Variants in YPEL2 observed in about 807,000 individuals in gnomAD.
YPEL2 encodes protein yippee-like 2.
Under a neutral mutation model 19.1 loss-of-function variants are expected in YPEL2, and 2 were observed. The ratio of observed to expected loss-of-function variants is 0.10; its 90% CI spans 0.04 to 0.33. The LOEUF is 0.33. Ranked by LOEUF, YPEL2 falls within the 10% of genes least tolerant of loss-of-function variation. The probability of loss-of-function intolerance (pLI) is 1.00; values close to 1 mark genes in which losing one functional copy is unlikely to be tolerated. For missense variants in YPEL2, 66 were observed against 140.7 expected (o/e 0.47, Z 2.68); for synonymous variants, 52 against 50.0 (o/e 1.04, Z -0.17).
chr17:59,380,278 T>G (rs994663890), intron 2 of YPEL2, among the ~76,000 whole-genome samples: 1 of 145,626 alleles, frequency 6.9e-6, no homozygotes, highest in Non-Finnish European at 1.5e-5. Flanking sequence ...ACTTCTTTTT[T>G]TTTTTTTTTT....
intron 2 of YPEL2, among the ~76,000 whole-genome samples, chr17:59,368,245 G>A (rs2047880389): frequency 6.6e-6 from 1 of 152,028 alleles, no homozygotes; most frequent in African/African-American, 2.4e-5. Flanking sequence ...CACCATGTCC[G>A]GCTAATTTTT....
At chr17:59,369,064 G>A (rs1364710642) in intron 2 of YPEL2, among the ~76,000 whole-genome samples, 1 of 151,068 alleles carries the variant, frequency 6.6e-6, no homozygotes, top group African/African-American at 2.4e-5. Flanking sequence ...AGGTCTGGGG[G>A]TTTGCAGGTC....
In YPEL2 at chr17:59,378,865, G is replaced by A. The variant is rs2047935249; in HGVS notation, c.118-9462G>A. Among the ~76,000 whole-genome samples the A allele has an allele frequency of 2.0e-5, 3 of 152,264 alleles. No individual in the cohort carries two copies. In the South Asian group the frequency reaches 6.2e-4, roughly 32 times the overall value. ...ATAGCTCAAATCCACGGGAGGAGGG[G>A]CCTTAAGAAAGCCATCCTTCTGCCC... On this transcript the variant is annotated intron_variant, in intron 2 of 4. Transcript: ENST00000312655.
chr17:59,344,708 A>C (rs957710536), intron 1 of YPEL2, among the ~76,000 whole-genome samples: 2 of 152,196 alleles, frequency 1.3e-5, no homozygotes, highest in African/African-American at 4.8e-5. Flanking sequence ...CAGTGAGCCA[A>C]AATCACGCCA....
At chr17:59,371,662 A>G (rs997838862) in intron 2 of YPEL2, among the ~76,000 whole-genome samples, 4 of 152,212 alleles carry the variant, frequency 2.6e-5, no homozygotes, top group Admixed American at 2.6e-4. Context: ...GCCGCGAGAC[A>G]GGAGGGAGAA....
At position 59,389,340 on chromosome 17, in the gene YPEL2, C is replaced by T. The variant is rs1463990936; in HGVS notation, c.162-20C>T. 6.2e-7 allele frequency: 1 copy of T among 1,606,254 alleles called. No individual in the cohort carries two copies. On this transcript the variant is annotated intron_variant, in intron 3 of 4. Coordinates refer to ENST00000312655, the MANE Select transcript of YPEL2 (RefSeq NM_001005404.4). ...GCGTGTCACTAACTACCCACTCTCTCTTCTTGTGCCTCGACATAGAGTTAA... is the reference window on the plus strand; with the variant it reads ...GCGTGTCACTAACTACCCACTCTCTTTTCTTGTGCCTCGACATAGAGTTAA...
rs530153586 is a variant in YPEL2, at chr17:59,352,728, T to TG, written c.-195-486dup. ...GCTGGGGTGTGGGGTTTGCTGCCTC[T>TG]GCAGGTGATGGCTTCAAGCGTTGGA... On this transcript the variant is annotated intron_variant, in intron 1 of 4. Coordinates refer to ENST00000312655, the MANE Select transcript of YPEL2 (RefSeq NM_001005404.4). Among the ~76,000 whole-genome samples, 227 of 152,344 alleles carry TG rather than the reference T, an allele frequency of 1.5e-3. 1 individual carries two copies. The highest frequency in any genetic ancestry group is 5.3e-3 in the African/African-American group (219 of 41,578).
At chr17:59,394,870 C>G (rs1018550486) in intron 4 of YPEL2, among the ~76,000 whole-genome samples, 2 of 152,236 alleles carry the variant, frequency 1.3e-5, no homozygotes, top group Non-Finnish European at 2.9e-5. Flanking sequence ...GCGGATCACT[C>G]GCGGTTAGGA....
intron 2 of YPEL2, among the ~76,000 whole-genome samples, chr17:59,377,828 C>T (rs969037206): frequency 1.3e-5 from 2 of 152,190 alleles, no homozygotes; most frequent in African/African-American, 4.8e-5. Flanking sequence ...CTGGCCCTTC[C>T]AGACTAGTTT....
chr17:59,397,146 A>C lies in YPEL2; in HGVS notation c.316A>C (p.Ile106Leu). ...SSQKYKEGKYIIELAHMIKDN... is the reference protein window; with the variant it reads ...SSQKYKEGKYLIELAHMIKDN... ...CCAGAAATATAAAGAAGGCAAATAC[A>C]TCATTGAACTAGCACACATGATCAA... The change falls in exon 5 of 5, where the codon ATC becomes CTC. Residue 106 changes from isoleucine to leucine, a missense_variant. Coordinates refer to ENST00000312655, the MANE Select transcript of YPEL2 (RefSeq NM_001005404.4). 1 of 1,613,090 alleles carries C rather than the reference A, an allele frequency of 6.2e-7. No individual in the cohort carries two copies. The highest frequency in any genetic ancestry group is 2.2e-5 in the East Asian group (1 of 44,772).
intron 1 of YPEL2, among the ~76,000 whole-genome samples, chr17:59,344,365 CAG>C (rs1183678172): frequency 6.6e-6 from 1 of 152,138 alleles, no homozygotes; most frequent in Non-Finnish European, 1.5e-5. Flanking sequence ...GAGGCTCAAA[CAG>C]AGAGGTAGGA....
At chr17:59,341,702 C>T (rs2047732180) in intron 1 of YPEL2, among the ~76,000 whole-genome samples, 1 of 152,138 alleles carries the variant, frequency 6.6e-6, no homozygotes, top group East Asian at 1.9e-4. Flanking sequence ...AGGCTGCGTG[C>T]ATTTGCTGGA....
chr17:59,343,485 G>T (rs1007106785), intron 1 of YPEL2, among the ~76,000 whole-genome samples: 4 of 152,136 alleles, frequency 2.6e-5, no homozygotes, highest in African/African-American at 9.7e-5. Context: ...AGTTTTTTGT[G>T]TGCTGGGAGA....
At chr17:59,391,822 C>A (rs1260146353) in intron 4 of YPEL2, among the ~76,000 whole-genome samples, 1 of 152,192 alleles carries the variant, frequency 6.6e-6, no homozygotes, top group South Asian at 2.1e-4. Flanking sequence ...ATCGCTTGAA[C>A]CCAGGAGGCG....
intron 4 of YPEL2, 61 bp from the exon 5 acceptor site, chr17:59,397,035 GAAAAA>G (rs3214250): frequency 7.9e-7 from 1 of 1,272,002 alleles, no homozygotes; most frequent in Non-Finnish European, 1.1e-6. Flanking sequence ...CCTCAAAAAA[GAAAAA>G]AAAAATCATT....
chr17:59,371,265 G>A (rs1884707129), intron 2 of YPEL2, among the ~76,000 whole-genome samples: 2 of 152,204 alleles, frequency 1.3e-5, no homozygotes, highest in Middle Eastern at 3.2e-3. Context: ...AAGGTCGGAG[G>A]TGGGCAGAAT....
At chr17:59,367,857 A>G (rs1010146969) in intron 2 of YPEL2, among the ~76,000 whole-genome samples, 5 of 152,140 alleles carry the variant, frequency 3.3e-5, no homozygotes, top group Admixed American at 2.0e-4. Flanking sequence ...CAGTGTCATC[A>G]CTGTAATGGG....
At chr17:59,388,546 C>T (rs2047992551) in intron 3 of YPEL2, among the ~76,000 whole-genome samples, 176 bp downstream of exon 3, 1 of 152,200 alleles carries the variant, frequency 6.6e-6, no homozygotes, top group African/African-American at 2.4e-5. Context: ...TTCTTGCCAA[C>T]ATCTCTGGCT....
chr17:59,379,806 G>T (rs1277392998), intron 2 of YPEL2, among the ~76,000 whole-genome samples: 1 of 151,438 alleles, frequency 6.6e-6, no homozygotes, highest in Non-Finnish European at 1.5e-5. Flanking sequence ...GTTTGTACCA[G>T]TAAGTTTTTT....
Sources: gnomAD v4.1 joint callset for allele counts (sites outside exome capture counted in the v4.1 genomes callset) on GRCh38, gnomAD v4.1.1 for gene constraint, MANE v1.5 for transcripts, NCBI Gene and HGNC (gene_info 2026-07-23, HGNC 2026-07-21) for gene names.